The following ACADM variants were observed in gnomAD, a reference collection of about 807,000 sequenced individuals.
ACADM encodes medium-chain specific acyl-CoA dehydrogenase, mitochondrial.
Under a neutral mutation model 58.9 loss-of-function variants are expected in ACADM, and 49 were observed. That is an observed-to-expected ratio of 0.83 (90% confidence interval 0.66 to 1.06). The LOEUF (loss-of-function observed/expected upper bound fraction) is 1.06. ACADM is among the 50% of genes least tolerant of loss of function. ACADM has a pLI of 0.00. For missense variants in ACADM, 496 were observed against 507.0 expected (o/e 0.98, Z 0.21); for synonymous variants, 160 against 157.7 (o/e 1.01, Z -0.11).
At chr1:75,760,935 A>C (rs2100452109) in intron 10 of ACADM, among the ~76,000 whole-genome samples, 187 bp from the exon 11 acceptor site, 1 of 152,276 alleles carries the variant, frequency 6.6e-6, no homozygotes. Flanking sequence ...GGTCAGGCAC[A>C]GTGGCTCACG....
chr1:75,732,658 C>T lies in ACADM; in HGVS notation c.133C>T (p.Gln45Ter), dbSNP rs1378433976. 6.2e-7 allele frequency: 1 copy of T among 1,613,620 alleles called. No individual in the cohort carries two copies. Among genetic ancestry groups the T allele is most frequent in the Admixed American group, 1.7e-5 (1 of 59,998 alleles). ...LGFSFEFTEQ[Q>*]KEFQATARKF... ...TTTTCCCTTAGAGTTCACCGAACAG[C>T]AGAAAGAATTTCAAGCTACTGCTCG... Residue 45 changes from glutamine to a stop codon, truncating the protein, a stop_gained, in exon 3 of 12, where the codon CAG (glutamine) becomes TAG (stop). Coordinates refer to ENST00000370841, the MANE Select transcript of ACADM (RefSeq NM_000016.6). LOFTEE classifies it high-confidence loss of function.
At chr1:75,740,675 A>G (rs974703942) in intron 7 of ACADM, among the ~76,000 whole-genome samples, 22 of 152,194 alleles carry the variant, frequency 1.4e-4, no homozygotes, top group Non-Finnish European at 2.8e-4. Context: ...TTGATAAAAG[A>G]TGAGGAAAGT....
chr1:75,752,634 G>GT (rs1648269061), intron 10 of ACADM, among the ~76,000 whole-genome samples: 2 of 151,750 alleles, frequency 1.3e-5, no homozygotes, highest in South Asian at 4.2e-4. Flanking sequence ...GTTATATTTG[G>GT]TTTTTTCCAT....
intron 5 of ACADM, 38 bp from the exon 6 acceptor site, chr1:75,734,753 A>G: frequency 1.3e-6 from 2 of 1,496,476 alleles, no homozygotes; most frequent in South Asian, 2.3e-5. Context: ...TATCCAATAA[A>G]AATGACTTGA....
Position 75,745,787 on chromosome 1 carries a change from C to A in ACADM, c.600-19C>A. ...ATTTGCCGATATTATCACCATTATC[C>A]GGTATGTGTATCTCTTAGGTATTTT... On this transcript the variant is annotated intron_variant, in intron 7 of 11. Transcript: ENST00000370841. The A allele has an allele frequency of 1.3e-6, 2 of 1,538,810 alleles. No homozygotes were observed. Among genetic ancestry groups the A allele is most frequent in the Non-Finnish European group, 1.8e-6 (2 of 1,111,554 alleles).
chr1:75,730,727 A>G (rs1054245519), intron 2 of ACADM, among the ~76,000 whole-genome samples: 7 of 151,902 alleles, frequency 4.6e-5, no homozygotes, highest in Non-Finnish European at 1.0e-4. Context: ...GGATCTTGCT[A>G]TATTGCTCAG....
intron 2 of ACADM, among the ~76,000 whole-genome samples, chr1:75,730,543 CTTT>C (rs34314755): frequency 1.4e-5 from 2 of 141,670 alleles, no homozygotes; most frequent in Non-Finnish European, 1.5e-5. Context: ...GTCATTTTTC[CTTT>C]TTTTTTTTTT....
intron 6 of ACADM, among the ~76,000 whole-genome samples, chr1:75,736,543 T>C (rs1197857495): frequency 5.9e-5 from 9 of 152,188 alleles, no homozygotes; most frequent in Admixed American, 3.9e-4. Flanking sequence ...CTGTAGCATA[T>C]ACAGTCAGCT....
chr1:75,744,417 AT>A (rs554548117), intron 7 of ACADM: 165 of 1,499,024 alleles, frequency 1.1e-4, no homozygotes, highest in Non-Finnish European at 1.5e-4. Context: ...CAATCATGCC[AT>A]TTGCTGGTGA....
At position 75,741,040 on chromosome 1, in the gene ACADM, T is replaced by G. The variant is rs377740860; in HGVS notation, c.599+930T>G. 3.9e-5 allele frequency among the ~76,000 whole-genome samples: 6 copies of G among 152,326 alleles called. No individual in the cohort carries two copies. The East Asian group carries it at 5.8e-4, about 15-fold the overall frequency. On this transcript the variant is annotated intron_variant, in intron 7 of 11. Coordinates refer to ENST00000370841, the MANE Select transcript of ACADM (RefSeq NM_000016.6). ...AAGTTAGAAAAATGTAGAATTTAGCTTAACATAAGGACAGGCTTTCTATCA... is the reference window on the plus strand; with the variant it reads ...AAGTTAGAAAAATGTAGAATTTAGCGTAACATAAGGACAGGCTTTCTATCA...
At chr1:75,737,457 C>G (rs1404942224) in intron 6 of ACADM, among the ~76,000 whole-genome samples, 2 of 151,230 alleles carry the variant, frequency 1.3e-5, no homozygotes, top group African/African-American at 2.4e-5. Flanking sequence ...ATGAAACAGA[C>G]AGATGTCTAA....
chr1:75,736,137 T>G (rs1345921350), intron 6 of ACADM, among the ~76,000 whole-genome samples: 1 of 149,850 alleles, frequency 6.7e-6, no homozygotes, highest in Non-Finnish European at 1.5e-5. Flanking sequence ...ATTTTTAAAT[T>G]AGATTTTTTT....
Position 75,749,436 on chromosome 1 carries a change from G to A in ACADM, c.726G>A (p.Gln242=). The change falls in exon 9 of 12, where the codon CAG becomes CAA. Residue 242 remains glutamine (Q), a synonymous_variant. Coordinates refer to ENST00000370841, the MANE Select transcript of ACADM (RefSeq NM_000016.6). ...CTTATTAGGAATTAAACATGGGCCA[G>A]CGATGTTCAGATACTAGAGGAATTG... The part of the protein sequence containing the change: ...QIGRKELNMG[Q]RCSDTRGIVF... The A allele has an allele frequency of 6.2e-7, 1 of 1,614,006 alleles. No individual in the cohort carries two copies. The highest frequency in any genetic ancestry group is 8.5e-7 in the Non-Finnish European group (1 of 1,179,924).
At chr1:75,742,574 G>T (rs193285673) in intron 7 of ACADM, among the ~76,000 whole-genome samples, 1 of 152,128 alleles carries the variant, frequency 6.6e-6, no homozygotes, top group African/African-American at 2.4e-5. Context: ...GCCCTTCTTC[G>T]GGACTACGCT....
At chr1:75,751,636 C>T (rs576127391) in intron 10 of ACADM, among the ~76,000 whole-genome samples, 1 of 151,918 alleles carries the variant, frequency 6.6e-6, no homozygotes, top group African/African-American at 2.4e-5. Context: ...GTCGCTGGGA[C>T]TACAGGCACA....
intron 2 of ACADM, among the ~76,000 whole-genome samples, chr1:75,731,213 A>G (rs1301544550): frequency 1.6e-5 from 2 of 128,710 alleles, no homozygotes; most frequent in African/African-American, 2.9e-5. Flanking sequence ...CGGGAGGCGG[A>G]GCTTGCAGTG....
At chr1:75,755,364 G>A (rs558835785) in intron 10 of ACADM, among the ~76,000 whole-genome samples, 1 of 152,288 alleles carries the variant, frequency 6.6e-6, no homozygotes, top group Non-Finnish European at 1.5e-5. Flanking sequence ...CTCCCAGTAG[G>A]GGCCGATTGA....
chr1:75,748,040 G>T (rs1024959255), intron 8 of ACADM, among the ~76,000 whole-genome samples: 1 of 152,052 alleles, frequency 6.6e-6, no homozygotes, highest in Non-Finnish European at 1.5e-5. Context: ...CAAATTAAAG[G>T]GTTAGTTTAT....
At chr1:75,734,152 A>G (rs1301844980) in intron 5 of ACADM, among the ~76,000 whole-genome samples, 1 of 141,802 alleles carries the variant, frequency 7.1e-6, no homozygotes, top group East Asian at 2.0e-4. Context: ...CGCCCAGCTA[A>G]TTTTTGTATT....
Sources: gnomAD v4.1 joint callset for allele counts (sites outside exome capture counted in the v4.1 genomes callset) on GRCh38, gnomAD v4.1.1 for gene constraint, MANE v1.5 for transcripts, NCBI Gene and HGNC (gene_info 2026-07-23, HGNC 2026-07-21) for gene names.